The following PGM5 variants were observed in gnomAD, a reference collection of about 807,000 sequenced individuals.
PGM5 encodes the protein phosphoglucomutase-like protein 5.
In PGM5, 23 loss-of-function variants were observed where a neutral mutation model predicts 59.2. That is an observed-to-expected ratio of 0.39 (90% CI 0.28 to 0.55). PGM5 has a LOEUF of 0.55. Among genes scored for constraint, PGM5 ranks in the 20% least tolerant of loss-of-function variants. The pLI, the probability that PGM5 is intolerant of heterozygous loss-of-function variation, is 0.66. For missense variants in PGM5, 574 were observed against 748.3 expected (o/e 0.77, Z 2.72); for synonymous variants, 214 against 286.0 (o/e 0.75, Z 2.54).
intron 6 of PGM5, among the ~76,000 whole-genome samples, chr9:68,415,160 C>T (rs1823002370): frequency 6.7e-6 from 1 of 149,216 alleles, no homozygotes; most frequent in South Asian, 2.1e-4. Flanking sequence ...CATTTACTTT[C>T]TGGTCATTCA....
chr9:68,400,290 C>T (rs1822632241), intron 6 of PGM5, among the ~76,000 whole-genome samples: 1 of 152,050 alleles, frequency 6.6e-6, no homozygotes, highest in African/African-American at 2.4e-5. Flanking sequence ...CGCATAATCT[C>T]CTGATTATGA....
At chr9:68,370,115 A>G (rs1420781422) in intron 1 of PGM5, among the ~76,000 whole-genome samples, 25 of 152,068 alleles carry the variant, frequency 1.6e-4, no homozygotes, top group African/African-American at 5.5e-4. Context: ...GTAGATGGAC[A>G]TGGTGGAGGC....
In PGM5 at chr9:68,406,684, A is replaced by G. The variant is rs1348752087; in HGVS notation, c.1043+14211A>G. On this transcript the variant is annotated intron_variant, in intron 6 of 10. Coordinates refer to ENST00000396396, the MANE Select transcript of PGM5 (RefSeq NM_021965.4). ...GGTATATATATATATATATGTATAT[A>G]TATATATATATATATATATATATAT... Among the ~76,000 whole-genome samples the G allele has an allele frequency of 3.6e-3, 159 of 43,788 alleles. 4 individuals are homozygous for G. The highest frequency in any genetic ancestry group is 0.015 in the African/African-American group (153 of 10,304). 28.7% of individuals were successfully genotyped at this position (43,788 alleles called of 152,430 possible). A position where few individuals can be genotyped will look rare whatever the true frequency, so the allele number is the denominator to read the frequency against.
At position 68,444,614 on chromosome 9, in the gene PGM5, ATGAGTTGAGTCGCATGCCCACTCTT is replaced by A. The variant is rs537462772; in HGVS notation, c.1044-20476_1044-20452del. Among the ~76,000 whole-genome samples the A allele has an allele frequency of 9.1e-3, 1,386 of 152,280 alleles. 16 individuals are homozygous for A. Among genetic ancestry groups the A allele is most frequent in the African/African-American group, 0.032 (1,346 of 41,536 alleles). On this transcript the variant is annotated intron_variant, in intron 6 of 10. Coordinates refer to ENST00000396396, the MANE Select transcript of PGM5 (RefSeq NM_021965.4). ...ACTCAAGATTCAGCATTTTCTTAGTATGAGTTGAGTCGCATGCCCACTCTTTGGCCAGGCAAGAGGAGATCACCTT... is the reference window on the plus strand; with the variant it reads ...ACTCAAGATTCAGCATTTTCTTAGTATGGCCAGGCAAGAGGAGATCACCTT...
chr9:68,396,361 T>C (rs1419028081), intron 6 of PGM5: 1 of 152,218 alleles, frequency 6.6e-6, no homozygotes, highest in Non-Finnish European at 1.5e-5. Flanking sequence ...AAAGGGTCCC[T>C]GATAAACCAG....
chr9:68,399,619 A>G (rs1822613610), intron 6 of PGM5, among the ~76,000 whole-genome samples: 1 of 150,144 alleles, frequency 6.7e-6, no homozygotes, highest in African/African-American at 2.4e-5. Context: ...TTAATTGCCT[A>G]TTCCTGTCCT....
intron 6 of PGM5, among the ~76,000 whole-genome samples, chr9:68,436,516 T>G (rs372697465): frequency 5.3e-5 from 8 of 152,300 alleles, no homozygotes; most frequent in African/African-American, 1.9e-4. Context: ...GACAAGCCAA[T>G]GACAAACTGT....
chr9:68,465,062 G>T (rs782127564), intron 6 of PGM5, 31 bp from the exon 7 acceptor site: 18 of 1,350,126 alleles, frequency 1.3e-5, no homozygotes, highest in Non-Finnish European at 1.8e-5. Flanking sequence ...TGAAATATAT[G>T]AATTGACTTT....
At chr9:68,438,718 A>G (rs1168352367) in intron 6 of PGM5, among the ~76,000 whole-genome samples, 5 of 152,218 alleles carry the variant, frequency 3.3e-5, no homozygotes, top group African/African-American at 1.2e-4. Context: ...TCTGTCCAGT[A>G]TTCTTCCACT....
At chr9:68,435,943 T>C (rs1554683339) in intron 6 of PGM5, among the ~76,000 whole-genome samples, 2 of 152,196 alleles carry the variant, frequency 1.3e-5, no homozygotes, top group African/African-American at 4.8e-5. Context: ...AGTAACTTGG[T>C]GAACTTTTCG....
At chr9:68,504,051 T>C (rs1026916437) in intron 10 of PGM5, among the ~76,000 whole-genome samples, 1 of 152,224 alleles carries the variant, frequency 6.6e-6, no homozygotes. Context: ...AGCAAAGAGC[T>C]AGGTGAACTG....
Position 68,402,733 on chromosome 9 carries a change from C to T in PGM5, c.1043+10260C>T, listed in dbSNP as rs374291543. On this transcript the variant is annotated intron_variant, in intron 6 of 10. Coordinates refer to ENST00000396396, the MANE Select transcript of PGM5 (RefSeq NM_021965.4). The stretch of plus-strand genomic sequence containing the variant: ...ACCAGAGAAGTTTGGTGCTTGACAA[C>T]GTTTTAAAATGAAGGAGGATAATGT... 7.2e-5 allele frequency among the ~76,000 whole-genome samples: 11 copies of T among 152,238 alleles called. No individual in the cohort carries two copies. The South Asian group carries it at 2.1e-3, about 29-fold the overall frequency.
intron 9 of PGM5, 23 bp downstream of exon 9, chr9:68,484,071 A>T (rs10868913): frequency 6.2e-7 from 1 of 1,607,442 alleles, no homozygotes; most frequent in East Asian, 2.2e-5. Context: ...AAATCACTAC[A>T]ACGGGTTATC....
At chr9:68,461,063 C>A (rs1038911530) in intron 6 of PGM5, among the ~76,000 whole-genome samples, 5 of 152,144 alleles carry the variant, frequency 3.3e-5, no homozygotes, top group African/African-American at 9.7e-5. Context: ...AGATGTATAA[C>A]CACTCAAACA....
intron 10 of PGM5, among the ~76,000 whole-genome samples, chr9:68,527,639 T>G (rs541661957): frequency 6.6e-6 from 1 of 152,300 alleles, no homozygotes; most frequent in East Asian, 1.9e-4. Flanking sequence ...AAAGAATCCC[T>G]TCTGTTTTTA....
chr9:68,406,672 A>ATATATG (rs1220296803), intron 6 of PGM5, among the ~76,000 whole-genome samples: 2 of 6,512 alleles, frequency 3.1e-4, no homozygotes, highest in African/African-American at 1.3e-3. Flanking sequence ...ATATATATAT[A>ATATATG]TATATGTATA....
chr9:68,430,559 A>T (rs1294502958), intron 6 of PGM5, among the ~76,000 whole-genome samples: 1 of 152,202 alleles, frequency 6.6e-6, no homozygotes, highest in African/African-American at 2.4e-5. Flanking sequence ...ATTTCATCCT[A>T]ATTTTCTCCA....
At chr9:68,469,808 A>T (rs1823993239) in intron 7 of PGM5, among the ~76,000 whole-genome samples, 2 of 152,238 alleles carry the variant, frequency 1.3e-5, no homozygotes, top group South Asian at 4.1e-4. Context: ...GGTTGGAAAG[A>T]TGAAAGGAAG....
chr9:68,395,817 A>G (rs1240405138), intron 6 of PGM5: 1 of 151,992 alleles, frequency 6.6e-6, no homozygotes, highest in Non-Finnish European at 1.5e-5. Flanking sequence ...GATGCCTCCC[A>G]CTCTACTTGT....
Sources: gnomAD v4.1 joint callset for allele counts (sites outside exome capture counted in the v4.1 genomes callset) on GRCh38, gnomAD v4.1.1 for gene constraint, MANE v1.5 for transcripts, NCBI Gene and HGNC (gene_info 2026-07-23, HGNC 2026-07-21) for gene names.